The following GNB4 variants were observed in gnomAD, a reference collection of about 807,000 sequenced individuals.
GNB4 encodes G protein subunit beta 4, also known as guanine nucleotide-binding protein subunit beta-4.
Under a neutral mutation model 45.2 loss-of-function variants are expected in GNB4, and 28 were observed. The ratio of observed to expected loss-of-function variants is 0.62; its 90% CI spans 0.46 to 0.85. GNB4 has a LOEUF of 0.85. Among genes scored for constraint, GNB4 ranks in the 40% least tolerant of loss-of-function variants. The pLI, the probability that GNB4 is intolerant of heterozygous loss-of-function variation, is 0.00. For synonymous variants in GNB4, 132 were observed against 143.7 expected (o/e 0.92, Z 0.58); for missense variants, 321 against 425.4 (o/e 0.75, Z 2.16).
the GNB4 span, among the ~76,000 whole-genome samples, chr3:179,466,614 C>T: frequency 6.6e-6 from 1 of 152,170 alleles, no homozygotes; most frequent in Non-Finnish European, 1.5e-5. Context: ...TGCCTGCTTA[C>T]TTACCTAGAT....
chr3:179,420,173 T>C (rs1177108773), intron 3 of GNB4, among the ~76,000 whole-genome samples: 3 of 150,446 alleles, frequency 2.0e-5, no homozygotes, highest in African/African-American at 7.3e-5. Context: ...CTTTGTCTCC[T>C]GGGCTGGAAT....
the GNB4 span, among the ~76,000 whole-genome samples, chr3:179,517,653 TCTC>T: frequency 6.6e-6 from 1 of 151,144 alleles, no homozygotes; most frequent in African/African-American, 2.4e-5. Flanking sequence ...TTTACTCTCT[TCTC>T]CAACCTCTCT....
At chr3:179,418,882 C>T (rs371569617) in intron 4 of GNB4, among the ~76,000 whole-genome samples, 4 of 152,264 alleles carry the variant, frequency 2.6e-5, no homozygotes, top group African/African-American at 7.2e-5. Flanking sequence ...AGCAGCTGTG[C>T]GTGTGCCTGT....
At chr3:179,468,035 A>AAATATATATATATATATAT in the GNB4 span, among the ~76,000 whole-genome samples, 71 of 89,758 alleles carry the variant, frequency 7.9e-4, 2 homozygotes, top group Non-Finnish European at 1.2e-3. Context: ...TGTTGATAAA[A>AAATATATATATATATATAT]ATATATATAT....
chr3:179,505,862 C>T, the GNB4 span, among the ~76,000 whole-genome samples: 1 of 152,170 alleles, frequency 6.6e-6, no homozygotes. Flanking sequence ...GAAGCTGATC[C>T]ACAGCTAACC....
At position 179,405,364 on chromosome 3, in the gene GNB4, C is replaced by A; in HGVS notation, c.742G>T (p.Ala248Ser). 1 of 1,613,818 alleles carries A rather than the reference C, an allele frequency of 6.2e-7. No homozygotes were observed. Among genetic ancestry groups the A allele is most frequent in the Non-Finnish European group, 8.5e-7 (1 of 1,179,788 alleles). ...GYAFATGSDDATCRLFDLRAD... is the reference protein window; with the variant it reads ...GYAFATGSDDSTCRLFDLRAD... ...CGAAGGTCAAAGAGCCGGCAAGTGG[C>A]ATCATCAGAGCCAGTGGCGAAGGCA... The change falls in exon 9 of 10, where the codon GCC becomes TCC. Residue 248 changes from alanine to serine, a missense_variant. Coordinates refer to ENST00000232564, the MANE Select transcript of GNB4 (RefSeq NM_021629.4).
chr3:179,491,631 A>G, the GNB4 span, among the ~76,000 whole-genome samples: 36 of 152,254 alleles, frequency 2.4e-4, no homozygotes, highest in Middle Eastern at 3.4e-3. Context: ...CTCCTCCACC[A>G]TTTCTAAGTT....
At chr3:179,497,207 C>T in the GNB4 span, among the ~76,000 whole-genome samples, 1 of 152,042 alleles carries the variant, frequency 6.6e-6, no homozygotes, top group African/African-American at 2.4e-5. Flanking sequence ...CTCACTCTTA[C>T]ATCGTCATCT....
chr3:179,484,988 G>T, the GNB4 span, among the ~76,000 whole-genome samples: 1 of 148,166 alleles, frequency 6.7e-6, no homozygotes. Context: ...AGTGTTCATG[G>T]CAACTTTTTT....
chr3:179,490,116 C>A, the GNB4 span, among the ~76,000 whole-genome samples: 1 of 152,128 alleles, frequency 6.6e-6, no homozygotes, highest in South Asian at 2.1e-4. Flanking sequence ...AAAACCTAGA[C>A]AGAATGCGTG....
At chr3:179,412,810 C>A (rs1714688381) in intron 8 of GNB4, among the ~76,000 whole-genome samples, 1 of 151,776 alleles carries the variant, frequency 6.6e-6, no homozygotes, top group African/African-American at 2.4e-5. Flanking sequence ...GGTAGAACAT[C>A]CACGATCTGC....
At chr3:179,404,649 G>A (rs1176450341) in intron 9 of GNB4, among the ~76,000 whole-genome samples, 1 of 152,148 alleles carries the variant, frequency 6.6e-6, no homozygotes, top group Non-Finnish European at 1.5e-5. Flanking sequence ...AAGCTATATA[G>A]GACAACTGGA....
upstream of GNB4, among the ~76,000 whole-genome samples, chr3:179,456,096 A>G (rs1019874435): frequency 2.7e-5 from 4 of 150,086 alleles, no homozygotes; most frequent in Non-Finnish European, 5.9e-5. Flanking sequence ...TTCATGTAAT[A>G]GGGACATAGA....
the GNB4 span, among the ~76,000 whole-genome samples, chr3:179,526,064 C>T: frequency 2.6e-5 from 4 of 151,974 alleles, no homozygotes; most frequent in African/African-American, 9.7e-5. Context: ...AGAGAGTCAG[C>T]AAAGGGAGAT....
chr3:179,409,885 CTT>C (rs1306492680), intron 8 of GNB4, among the ~76,000 whole-genome samples: 1 of 151,740 alleles, frequency 6.6e-6, no homozygotes, highest in Non-Finnish European at 1.5e-5. Flanking sequence ...ATCAGTTTGG[CTT>C]TGTTTCCCCA....
chr3:179,465,417 C>T, the GNB4 span: 3 of 492,012 alleles, frequency 6.1e-6, no homozygotes, highest in East Asian at 1.3e-4. Flanking sequence ...TCCTGGCTAA[C>T]ATGGTGAAAC....
At chr3:179,446,303 C>T (rs1715724305) in intron 1 of GNB4, among the ~76,000 whole-genome samples, 1 of 152,174 alleles carries the variant, frequency 6.6e-6, no homozygotes, top group Non-Finnish European at 1.5e-5. Context: ...TGTACGTTAA[C>T]CGACACATGG....
At chr3:179,513,698 A>G in the GNB4 span, among the ~76,000 whole-genome samples, 1 of 152,110 alleles carries the variant, frequency 6.6e-6, no homozygotes, top group South Asian at 2.1e-4. Context: ...CATAACATCA[A>G]TGTTCTCTCT....
At chr3:179,521,849 C>A in the GNB4 span, among the ~76,000 whole-genome samples, 1 of 152,112 alleles carries the variant, frequency 6.6e-6, no homozygotes, top group African/African-American at 2.4e-5. Flanking sequence ...ACCAATCATT[C>A]TATATGACAA....
Sources: gnomAD v4.1 joint callset for allele counts (sites outside exome capture counted in the v4.1 genomes callset) on GRCh38, gnomAD v4.1.1 for gene constraint, MANE v1.5 for transcripts, NCBI Gene and HGNC (gene_info 2026-07-23, HGNC 2026-07-21) for gene names.